The following TSHZ3 variants were observed in gnomAD, a reference collection of about 807,000 sequenced individuals.
TSHZ3 encodes the protein teashirt homolog 3.
In TSHZ3, 10 loss-of-function variants were observed where a neutral mutation model predicts 64.5. The ratio of observed to expected loss-of-function variants is 0.16; its 90% CI spans 0.10 to 0.26. The LOEUF (loss-of-function observed/expected upper bound fraction) is 0.26, where lower values mean the gene tolerates loss of function less well. Ranked by LOEUF, TSHZ3 falls within the 10% of genes least tolerant of loss-of-function variation. The pLI is 1.00. For missense variants in TSHZ3, 1,242 were observed against 1,421.7 expected, an observed-to-expected ratio of 0.87 and a Z score of 2.03; for synonymous variants, 608 against 593.1, an observed-to-expected ratio of 1.03 and a Z score of -0.36.
chr19:31,303,221 C>T (rs1599636366), intron 1 of TSHZ3, among the ~76,000 whole-genome samples: 1 of 152,318 alleles, frequency 6.6e-6, no homozygotes, highest in East Asian at 1.9e-4. Context: ...TCCGGCAAAT[C>T]GCCCCCCATC....
intron 1 of TSHZ3, among the ~76,000 whole-genome samples, chr19:31,246,883 C>G (rs1975763972): frequency 6.6e-6 from 1 of 152,026 alleles, no homozygotes; most frequent in South Asian, 2.1e-4. Context: ...CAAAGAATAA[C>G]AGGGACATAT....
rs976295486 is a variant in TSHZ3, at chr19:31,279,075, G to A, written c.718C>T (p.Arg240Cys). The A allele has an allele frequency of 1.2e-6, 2 of 1,614,024 alleles. No homozygotes were observed. The highest frequency in any genetic ancestry group is 1.3e-5 in the African/African-American group (1 of 75,010). The change falls in exon 2 of 2, where the codon CGC becomes TGC. Residue 240 changes from arginine (R) to cysteine (C), a missense_variant. Transcript: ENST00000240587. This position sits in a 1 kb window ranked among gnomAD's most constrained non-coding sequence, Gnocchi z 6.4. ...TVHMNETGHYRDDNHETDNNN... is the reference protein window; with the variant it reads ...TVHMNETGHYCDDNHETDNNN... ...TTATCGGTCTCATGGTTGTCGTCGC[G>A]GTAATGCCCCGTCTCGTTCATGTGC...
chr19:31,332,876 A>C (rs917333578), intron 1 of TSHZ3, among the ~76,000 whole-genome samples: 2 of 151,938 alleles, frequency 1.3e-5, no homozygotes, highest in Non-Finnish European at 2.9e-5. Flanking sequence ...GAGACCGAGG[A>C]GGGTAGACTG....
chr19:31,179,997 T>G (rs892533137), intron 5 of TSHZ3, among the ~76,000 whole-genome samples: 2 of 152,184 alleles, frequency 1.3e-5, no homozygotes, highest in African/African-American at 4.8e-5. Context: ...ACAGCCTAAC[T>G]GTCAGAGCTG....
At chr19:31,228,678 G>T (rs979443357) in intron 3 of TSHZ3, among the ~76,000 whole-genome samples, 1 of 152,084 alleles carries the variant, frequency 6.6e-6, no homozygotes, top group Admixed American at 6.6e-5. Flanking sequence ...AACACTGAAG[G>T]TTACTAGCAC....
intron 5 of TSHZ3, among the ~76,000 whole-genome samples, chr19:31,189,475 G>T (rs1974866979): frequency 6.6e-6 from 1 of 151,588 alleles, no homozygotes; most frequent in Non-Finnish European, 1.5e-5. Flanking sequence ...CATTTCCCAT[G>T]GTGATTTTTT....
At chr19:31,305,991 G>A (rs1373208717) in intron 1 of TSHZ3, among the ~76,000 whole-genome samples, 2 of 152,240 alleles carry the variant, frequency 1.3e-5, no homozygotes, top group Non-Finnish European at 2.9e-5. Flanking sequence ...AAGCCAGCAT[G>A]ATCACAGATT....
At chr19:31,215,119 A>G (rs986740684) in intron 4 of TSHZ3, among the ~76,000 whole-genome samples, 1 of 152,178 alleles carries the variant, frequency 6.6e-6, no homozygotes, top group African/African-American at 2.4e-5. Flanking sequence ...CCCAGACATT[A>G]GTCATTTAGA....
At chr19:31,210,300 GGGCTTT>G (rs1480183846) in intron 4 of TSHZ3, among the ~76,000 whole-genome samples, 1 of 152,104 alleles carries the variant, frequency 6.6e-6, no homozygotes, top group Admixed American at 6.5e-5. Context: ...AGGCTCAAAA[GGGCTTT>G]GCACCTGTTT....
chr19:31,195,549 G>A (rs1019789601), intron 5 of TSHZ3: 15 of 110,422 alleles, frequency 1.4e-4, no homozygotes, highest in African/African-American at 5.3e-4. Flanking sequence ...CCAAAATGTA[G>A]GGATTCTTTT....
At chr19:31,335,951 G>A (rs921719381) in intron 1 of TSHZ3, among the ~76,000 whole-genome samples, 3 of 152,192 alleles carry the variant, frequency 2.0e-5, no homozygotes, top group Non-Finnish European at 2.9e-5. Context: ...AGTCAGGGAC[G>A]GAGTCCCTAG....
At chr19:31,259,272 G>T (rs1476695061) in intron 1 of TSHZ3, among the ~76,000 whole-genome samples, 2 of 152,074 alleles carry the variant, frequency 1.3e-5, no homozygotes, top group East Asian at 3.8e-4. Flanking sequence ...GTAGTCTTTT[G>T]GGTCGACTAA....
At chr19:31,294,436 C>A (rs1052970428) in intron 1 of TSHZ3, among the ~76,000 whole-genome samples, 3 of 152,088 alleles carry the variant, frequency 2.0e-5, no homozygotes, top group South Asian at 4.2e-4. Flanking sequence ...CAGTACTCAG[C>A]ACTCACTCAG....
chr19:31,226,958 T>C (rs994900516), intron 4 of TSHZ3, among the ~76,000 whole-genome samples: 23 of 141,706 alleles, frequency 1.6e-4, no homozygotes, highest in African/African-American at 4.8e-4. Flanking sequence ...TTCTTTTTCT[T>C]CTCTTTCTTT....
Position 31,277,027 on chromosome 19 carries a change from G to A in TSHZ3, c.2766C>T (p.Tyr922=). Residue 922 remains tyrosine, a synonymous_variant, in exon 2 of 2, where the codon TAC becomes TAT. Transcript: ENST00000240587. The surrounding 1 kb of genome is among the most constrained non-coding windows in gnomAD (Gnocchi z 4.5). ...CCTGGGGGCTCAGGTCTGACATGAT[G>A]TACTTCCCTTCTGAGGTCTGCCGGA... The part of the protein sequence containing the change: ...ASLRQTSEGK[Y]IMSDLSPQER... 1 of 1,611,546 alleles carries A rather than the reference G, an allele frequency of 6.2e-7. No homozygotes were observed. Among genetic ancestry groups the A allele is most frequent in the Non-Finnish European group, 8.5e-7 (1 of 1,178,224 alleles).
At chr19:31,225,600 A>C (rs1416699885) in intron 4 of TSHZ3, among the ~76,000 whole-genome samples, 1 of 152,166 alleles carries the variant, frequency 6.6e-6, no homozygotes, top group East Asian at 1.9e-4. Flanking sequence ...CTATCGGCCC[A>C]TCTGCACCTC....
intron 3 of TSHZ3, among the ~76,000 whole-genome samples, chr19:31,232,600 G>T (rs761340505): frequency 2.6e-5 from 4 of 152,136 alleles, no homozygotes; most frequent in Non-Finnish European, 5.9e-5. Flanking sequence ...AAATGTACAG[G>T]TCAATGGCAT....
chr19:31,245,966 G>A (rs1022324607), intron 1 of TSHZ3, among the ~76,000 whole-genome samples: 2 of 152,176 alleles, frequency 1.3e-5, no homozygotes, highest in Non-Finnish European at 2.9e-5. Context: ...TGCATGAAAT[G>A]GCTGGGCATT....
At chr19:31,230,907 T>G (rs1975531743) in intron 3 of TSHZ3, among the ~76,000 whole-genome samples, 1 of 151,676 alleles carries the variant, frequency 6.6e-6, no homozygotes, top group South Asian at 2.1e-4. Flanking sequence ...TTTCACCTTG[T>G]TAGCCAGGAT....
Sources: gnomAD v4.1 joint callset for allele counts (sites outside exome capture counted in the v4.1 genomes callset) on GRCh38, gnomAD v4.1.1 for gene constraint, Gnocchi (gnomAD v3.1) non-coding constraint, MANE v1.5 for transcripts, NCBI Gene and HGNC (gene_info 2026-07-23, HGNC 2026-07-21) for gene names.